The following GALNS variants were observed in gnomAD, a reference collection of about 807,000 sequenced individuals.
GALNS encodes galactosamine (N-acetyl)-6-sulfatase, also known as N-acetylgalactosamine-6-sulfatase.
In GALNS, 65 loss-of-function variants were observed where a neutral mutation model predicts 65.9. The ratio of observed to expected loss-of-function variants is 0.99; its 90% CI spans 0.81 to 1.21. The LOEUF (loss-of-function observed/expected upper bound fraction) is 1.21. Ranked by LOEUF, GALNS falls within the 50% of genes most tolerant of loss-of-function variation. The probability of loss-of-function intolerance (pLI) is 0.00; values close to 1 mark genes in which losing one functional copy is unlikely to be tolerated. For missense variants in GALNS, 776 were observed against 700.7 expected (o/e 1.11, Z -1.21); for synonymous variants, 346 against 288.9 (o/e 1.20, Z -2.00).
intron 9 of GALNS, among the ~76,000 whole-genome samples, chr16:88,827,753 T>C (rs1911082966): frequency 6.6e-6 from 1 of 152,144 alleles, no homozygotes; most frequent in Admixed American, 6.5e-5. Flanking sequence ...GTCTCTTTCT[T>C]AACTCGGGGG....
intron 13 of GALNS, chr16:88,815,516 T>G (rs1266496890): frequency 1.0e-6 from 1 of 985,360 alleles, no homozygotes; most frequent in Non-Finnish European, 1.2e-6. Context: ...GAAGCCTTGC[T>G]TGATGGGAGG....
chr16:88,845,151 T>A (rs1967187467), intron 1 of GALNS: 1 of 147,974 alleles, frequency 6.8e-6, no homozygotes, highest in Non-Finnish European at 1.5e-5. Flanking sequence ...ATCGAGACCA[T>A]CCTGGCTAAC....
Position 88,816,144 on chromosome 16 carries a change from A to C in GALNS, c.1483-1619T>G, listed in dbSNP as rs1347803393. 3 of 985,288 alleles carry C rather than the reference A, an allele frequency of 3.0e-6. No individual in the cohort carries two copies. In the African/African-American group the frequency reaches 5.2e-5, roughly 17 times the overall value. 61.0% of individuals were successfully genotyped at this position (985,288 alleles called of 1,614,324 possible). On this transcript the variant is annotated intron_variant, in intron 13 of 13. Transcript: ENST00000268695. ...AGTTGGCACTTTTCCCCCTGCAGAG[A>C]GCACAGGTGTGGCGGTGGGGGCAGT...
At chr16:88,856,009 G>A in intron 1 of GALNS, 2 of 602,402 alleles carry the variant, frequency 3.3e-6, no homozygotes, top group Non-Finnish European at 5.9e-6. Context: ...CTTGGAGACA[G>A]TAGGGTTTCA....
At chr16:88,855,512 G>A (rs1260753093) in intron 1 of GALNS, 17 of 702,736 alleles carry the variant, frequency 2.4e-5, no homozygotes, top group South Asian at 2.4e-4. Context: ...GCGTGCTCTG[G>A]AAAGCAGTCA....
chr16:88,835,420 G>A (rs913040122), intron 7 of GALNS, 68 bp from the exon 8 acceptor site: 8 of 1,583,136 alleles, frequency 5.1e-6, no homozygotes, highest in African/African-American at 1.3e-5. Flanking sequence ...GGCAGCCAAC[G>A]GCATACTGTG....
intron 13 of GALNS, chr16:88,816,320 G>C (rs1447911710): frequency 2.0e-6 from 2 of 985,308 alleles, no homozygotes; most frequent in African/African-American, 1.7e-5. Context: ...GCACGGAGTG[G>C]GATTGGGTGT....
chr16:88,855,423 C>T (rs1967765860), intron 1 of GALNS: 2 of 702,810 alleles, frequency 2.8e-6, no homozygotes, highest in Non-Finnish European at 5.2e-6. Context: ...AGCAAAGTAT[C>T]TTTAGGAGGG....
intron 9 of GALNS, among the ~76,000 whole-genome samples, chr16:88,827,788 G>C (rs922014231): frequency 3.9e-5 from 6 of 152,228 alleles, no homozygotes; most frequent in Non-Finnish European, 8.8e-5. Flanking sequence ...CACTCGACGG[G>C]GAGACTGGGG....
At chr16:88,826,940 C>T in intron 9 of GALNS, 102 bp from the exon 10 acceptor site, 2 of 1,382,166 alleles carry the variant, frequency 1.4e-6, no homozygotes, top group East Asian at 2.5e-5. Flanking sequence ...CCAGCTGGGT[C>T]TACAGATATG....
At chr16:88,842,518 G>T in intron 2 of GALNS, 188 bp downstream of exon 2, 1 of 688,994 alleles carries the variant, frequency 1.5e-6, no homozygotes, top group Non-Finnish European at 2.4e-6. Flanking sequence ...AGCAGGTGCC[G>T]CACCCCACAT....
intron 1 of GALNS, among the ~76,000 whole-genome samples, chr16:88,849,207 C>T (rs142380830): frequency 0.04 from 6,085 of 152,156 alleles, 383 homozygotes; most frequent in African/African-American, 0.14. Flanking sequence ...CTCTGCCTTC[C>T]GGGCTCAGGT....
At chr16:88,852,319 C>G (rs4536457) in intron 1 of GALNS, among the ~76,000 whole-genome samples, 34,040 of 152,220 alleles carry the variant, frequency 0.22, 4,605 homozygotes, top group East Asian at 0.56. Context: ...AATTAACAAA[C>G]AGAAAGGAAT....
intron 1 of GALNS, 62 bp from the exon 2 acceptor site, chr16:88,842,891 A>C: frequency 6.3e-7 from 1 of 1,598,092 alleles, no homozygotes; most frequent in Non-Finnish European, 8.5e-7. Context: ...TGGCCTGGGG[A>C]GCTGCCCATG....
intron 1 of GALNS, chr16:88,856,307 G>A: frequency 2.8e-6 from 2 of 702,852 alleles, no homozygotes; most frequent in East Asian, 2.7e-5. Flanking sequence ...GATTCCTAGG[G>A]CGACGCAGCT....
Position 88,829,099 on chromosome 16 carries a change from C to T in GALNS, c.1003-2261G>A, listed in dbSNP as rs568427762. Among the ~76,000 whole-genome samples, 48 of 147,142 alleles carry T rather than the reference C, an allele frequency of 3.3e-4. 1 individual carries two copies. Among genetic ancestry groups the T allele is most frequent in the Non-Finnish European group, 6.0e-4 (40 of 66,170 alleles). The stretch of plus-strand genomic sequence containing the variant: ...CATGCCAACGTCTCCCAGAGCTACA[C>T]AGTTCCTGAGTCTCATGCCAACGTC... On this transcript the variant is annotated intron_variant, in intron 9 of 13. Coordinates refer to ENST00000268695, the MANE Select transcript of GALNS (RefSeq NM_000512.5).
intron 4 of GALNS, 126 bp from the exon 5 acceptor site, chr16:88,837,891 G>T: frequency 1.0e-6 from 1 of 974,012 alleles, no homozygotes; most frequent in Non-Finnish European, 1.6e-6. Context: ...CTGAGTATGG[G>T]CTATGCCTGG....
chr16:88,833,457 T>C (rs1383956508), intron 8 of GALNS, among the ~76,000 whole-genome samples: 1 of 150,078 alleles, frequency 6.7e-6, no homozygotes. Context: ...CCATCCCCTT[T>C]TTTTTTTTTT....
intron 13 of GALNS, chr16:88,817,149 G>T: frequency 1.0e-6 from 1 of 985,472 alleles, no homozygotes; most frequent in Non-Finnish European, 1.2e-6. Context: ...CACGCGGGAT[G>T]GCTGGGCCGT....
Sources: gnomAD v4.1 joint callset for allele counts (sites outside exome capture counted in the v4.1 genomes callset) on GRCh38, gnomAD v4.1.1 for gene constraint, MANE v1.5 for transcripts, NCBI Gene and HGNC (gene_info 2026-07-23, HGNC 2026-07-21) for gene names.